The following VPS4A variants were observed in gnomAD, a reference collection of about 807,000 sequenced individuals.
The protein encoded by VPS4A is vacuolar protein sorting-associated protein 4A.
Under a neutral mutation model 52.3 loss-of-function variants are expected in VPS4A, and 20 were observed. The observed-to-expected ratio is 0.38, with a 90% CI of 0.27 to 0.56. The LOEUF (loss-of-function observed/expected upper bound fraction) is 0.56. VPS4A is among the 20% of genes least tolerant of loss of function. The probability of loss-of-function intolerance (pLI) is 0.72; values close to 1 mark genes in which losing one functional copy is unlikely to be tolerated. For synonymous variants in VPS4A, 293 were observed against 227.7 expected, an observed-to-expected ratio of 1.29 and a Z score of -2.58; for missense variants, 419 against 575.9, an observed-to-expected ratio of 0.73 and a Z score of 2.79.
chr16:69,319,404 C>T lies in VPS4A; in HGVS notation c.481C>T (p.Arg161Trp). 6.2e-7 allele frequency: 1 copy of T among 1,613,940 alleles called. No individual in the cohort carries two copies. The highest frequency in any genetic ancestry group is 8.5e-7 in the Non-Finnish European group (1 of 1,179,838). Residue 161 changes from arginine to tryptophan, a missense_variant, in exon 6 of 11, where the codon CGG becomes TGG. Coordinates refer to ENST00000254950, the MANE Select transcript of VPS4A (RefSeq NM_013245.3). Reference protein sequence around the residue: ...HLFTGKRTPWRGILLFGPPGT... With the variant: ...HLFTGKRTPWWGILLFGPPGT... ...TGTTGCAGGCAAGCGCACCCCCTGG[C>T]GGGGGATTCTGCTGTTCGGACCCCC...
intron 5 of VPS4A, among the ~76,000 whole-genome samples, chr16:69,319,162 T>C (rs369053585): frequency 1.3e-5 from 2 of 150,900 alleles, no homozygotes; most frequent in East Asian, 3.9e-4. Flanking sequence ...TGCCAGCCGG[T>C]GTCACTGTGC....
chr16:69,319,278 T>A, intron 5 of VPS4A, 109 bp from the exon 6 acceptor site: 1 of 1,480,098 alleles, frequency 6.8e-7, no homozygotes, highest in Non-Finnish European at 9.1e-7. Context: ...TAGAGTCCGT[T>A]GTTTCACAGA....
In VPS4A at chr16:69,320,060, G is replaced by C. The variant is rs1965491804; in HGVS notation, c.621-81G>C. On this transcript the variant is annotated intron_variant, in intron 6 of 10. Transcript: ENST00000254950. The surrounding 1 kb of genome is among the most constrained non-coding windows in gnomAD (Gnocchi z 4.2). ...GTGGCCTGCGCCTCCCTGTGGGAAG[G>C]GTGAGAAGAGGGAAGTGCCGGGAGC... is the stretch of plus-strand genomic sequence containing the variant. The C allele has an allele frequency of 2.0e-6, 3 of 1,507,030 alleles. No homozygotes were observed. The highest frequency in any genetic ancestry group is 2.5e-5 in the South Asian group (2 of 79,576). 93.4% of individuals were successfully genotyped at this position (1,507,030 alleles called of 1,614,324 possible). A position where few individuals can be genotyped will look rare whatever the true frequency, so the allele number is the denominator to read the frequency against.
intron 3 of VPS4A, among the ~76,000 whole-genome samples, chr16:69,317,973 A>G (rs925523471): frequency 2.0e-4 from 30 of 150,178 alleles, no homozygotes; most frequent in Middle Eastern, 3.4e-3. Context: ...AAAAAAAAAA[A>G]AAGAAGCTTC....
Position 69,311,508 on chromosome 16 carries a change from T to C in VPS4A, c.-4T>C, listed in dbSNP as rs760857975. ...CGGGGTGTGGGGCGGACCCAGGAGA[T>C]GAAATGACAACGTCAACCCTCCAGG... On this transcript the variant is annotated 5_prime_UTR_variant, in exon 1 of 11. It removes an upstream start codon present in the reference 5' UTR. Transcript: ENST00000254950. 2 of 1,357,560 alleles carry C rather than the reference T, an allele frequency of 1.5e-6. No homozygotes were observed. Among genetic ancestry groups the C allele is most frequent in the Non-Finnish European group, 1.9e-6 (2 of 1,041,836 alleles). The allele number at this position is 1,357,560 out of a possible 1,614,324, so 84.1% of individuals were successfully genotyped here.
intron 3 of VPS4A, among the ~76,000 whole-genome samples, chr16:69,316,800 G>T (rs952122977): frequency 7.9e-5 from 12 of 152,226 alleles, no homozygotes; most frequent in Non-Finnish European, 1.0e-4. Context: ...GCCAGCTGCT[G>T]TGACTGTCAA....
intron 10 of VPS4A, among the ~76,000 whole-genome samples, chr16:69,323,944 C>CAAAAA (rs373024058): frequency 5.0e-5 from 5 of 99,490 alleles, no homozygotes; most frequent in East Asian, 3.9e-4. Flanking sequence ...ACTCCGTCTC[C>CAAAAA]AAAAAAAAAA....
intron 1 of VPS4A, among the ~76,000 whole-genome samples, chr16:69,315,345 C>T (rs550554692): frequency 1.3e-5 from 2 of 152,326 alleles, no homozygotes; most frequent in African/African-American, 2.4e-5. Flanking sequence ...CTTCTGTTGG[C>T]AGCAGGGAGC....
Position 69,322,726 on chromosome 16 carries a change from G to A in VPS4A, c.1212+26G>A, listed in dbSNP as rs1306251854. The A allele has an allele frequency of 4.4e-6, 7 of 1,607,638 alleles. No individual in the cohort carries two copies. In the Admixed American group the frequency reaches 1.2e-4, roughly 27 times the overall value. On this transcript the variant is annotated intron_variant, in intron 10 of 10. Transcript: ENST00000254950. The stretch of plus-strand genomic sequence containing the variant: ...GTAAGTGACTTGACAGGGGAGGGAA[G>A]AGGGCTGCACAGAGCCCAGAAAATT...
rs1312983074 is a variant in VPS4A at position 69,322,646 on chromosome 16, G to A, written c.1158G>A (p.Glu386=). ...CACCAGGGGACCCAGGAGCCATGGA[G>A]ATGACTTGGATGGATGTCCCTGGGG... ...PCSPGDPGAM[E]MTWMDVPGDK... is the part of the protein sequence containing the mutation. Residue 386 remains glutamate (E), a synonymous_variant, in exon 10 of 11, where the codon GAG becomes GAA. Transcript: ENST00000254950. 6.2e-7 allele frequency: 1 copy of A among 1,613,978 alleles called. No homozygotes were observed. The highest frequency in any genetic ancestry group is 2.2e-5 in the East Asian group (1 of 44,880).
chr16:69,322,796 A>T (rs750408173), intron 10 of VPS4A, 96 bp downstream of exon 10: 488 of 1,466,812 alleles, frequency 3.3e-4, no homozygotes, highest in Non-Finnish European at 4.4e-4. Context: ...CAGGCCAGGC[A>T]TGGTAGCTCA....
At position 69,321,296 on chromosome 16, in the gene VPS4A, A is replaced by G. The variant is rs76719889; in HGVS notation, c.1071+26A>G. On this transcript the variant is annotated intron_variant, in intron 9 of 10. Transcript: ENST00000254950. This position sits in a 1 kb window ranked among gnomAD's most constrained non-coding sequence, Gnocchi z 4.5. The stretch of plus-strand genomic sequence containing the variant: ...GTGAGTGCCCGCGGCCACTGCTGAG[A>G]AAAATCTCATAGTAAGAGCGGGATG... 7.1e-6 allele frequency: 11 copies of G among 1,545,936 alleles called. No homozygotes were observed. Among genetic ancestry groups the G allele is most frequent in the Non-Finnish European group, 9.6e-6 (11 of 1,143,812 alleles).
chr16:69,322,770 T>A, intron 10 of VPS4A, 70 bp downstream of exon 10: 1 of 1,534,698 alleles, frequency 6.5e-7, no homozygotes, highest in Non-Finnish European at 8.8e-7. Context: ...GGGTCCAGAA[T>A]AAAAACGGTC....
At position 69,322,575 on chromosome 16, in the gene VPS4A, C is replaced by A; in HGVS notation, c.1087C>A (p.Arg363Ser). Residue 363 changes from arginine to serine, a missense_variant, in exon 10 of 11, where the codon CGC becomes AGC. Physicochemically the swap from Arg to Ser is moderately radical, Grantham distance 110 (BLOSUM62 -1). Around this residue, in one of 3 missense-constraint regions of VPS4A, gnomAD observed 185 missense variants for 200.2 expected, o/e 0.92. Transcript: ENST00000254950. ...TTGGTTTCAGGTCTGTGGCCCCTCT[C>A]GCACCAACCCCAGCATGATGATTGA... is the stretch of plus-strand genomic sequence containing the variant. Reference protein sequence around the residue: ...THFKKVCGPSRTNPSMMIDDL... With the variant: ...THFKKVCGPSSTNPSMMIDDL... 1 of 1,613,394 alleles carries A rather than the reference C, an allele frequency of 6.2e-7. No homozygotes were observed. Among genetic ancestry groups the A allele is most frequent in the Non-Finnish European group, 8.5e-7 (1 of 1,179,596 alleles).
In VPS4A at chr16:69,324,500, G is replaced by C. The variant is rs1433290936; in HGVS notation, c.*191G>C. On this transcript the variant is annotated 3_prime_UTR_variant, in exon 11 of 11. Coordinates refer to ENST00000254950, the MANE Select transcript of VPS4A (RefSeq NM_013245.3). ...GCCACAGAGACACTCCACTGCCCTG[G>C]GGCACACAGTGGACACTGCTCTTCC... 1 of 617,296 alleles carries C rather than the reference G, an allele frequency of 1.6e-6. No homozygotes were observed. Among genetic ancestry groups the C allele is most frequent in the African/African-American group, 1.8e-5 (1 of 54,486 alleles). The allele number at this position is 617,296 out of a possible 1,614,324, so 38.2% of individuals were successfully genotyped here.
chr16:69,324,338 G>A lies in VPS4A; in HGVS notation c.*29G>A, dbSNP rs1965555813. The A allele has an allele frequency of 1.9e-6, 3 of 1,606,912 alleles. No individual in the cohort carries two copies. Among genetic ancestry groups the A allele is most frequent in the Admixed American group, 1.7e-5 (1 of 59,320 alleles). ...CTGCTTCACTTGGGCAATGGTGAAG[G>A]TGGGAGGTTGATTGGGGCAAATCCA... On this transcript the variant is annotated 3_prime_UTR_variant, in exon 11 of 11. Coordinates refer to ENST00000254950, the MANE Select transcript of VPS4A (RefSeq NM_013245.3).
At chr16:69,322,495 C>T in intron 9 of VPS4A, 65 bp from the exon 10 acceptor site, 2 of 1,509,104 alleles carry the variant, frequency 1.3e-6, no homozygotes, top group South Asian at 1.3e-5. Flanking sequence ...TCCTTAGAGA[C>T]CGGAGGGGTC....
In VPS4A at chr16:69,320,821, C is replaced by A; in HGVS notation, c.851+52C>A. 3 of 1,533,288 alleles carry A rather than the reference C, an allele frequency of 2.0e-6. No individual in the cohort carries two copies. Among genetic ancestry groups the A allele is most frequent in the South Asian group, 2.4e-5 (2 of 84,218 alleles). The allele number at this position is 1,533,288 out of a possible 1,614,324, so 95.0% of individuals were successfully genotyped here. ...GCTGGAGGCTTCCTCCCACCATGGT[C>A]ACGGTCCGCCTGCTGCTGGCAGCCC... On this transcript the variant is annotated intron_variant, in intron 8 of 10. Transcript: ENST00000254950. The surrounding 1 kb of genome is among the most constrained non-coding windows in gnomAD (Gnocchi z 4.2).
intron 3 of VPS4A, among the ~76,000 whole-genome samples, chr16:69,317,516 G>A (rs952209852): frequency 4.6e-5 from 7 of 152,268 alleles, no homozygotes; most frequent in African/African-American, 1.2e-4. Context: ...AAAATAGGCC[G>A]GGCGCGGTGG....
Sources: allele counts gnomAD v4.1 joint callset (sites outside exome capture counted in the v4.1 genomes callset), GRCh38; gene constraint gnomAD v4.1.1; regional missense constraint gnomAD v4.1.1; non-coding constraint Gnocchi (gnomAD v3.1); transcripts MANE v1.5; gene names NCBI Gene and HGNC (gene_info 2026-07-23, HGNC 2026-07-21).